Variants in RGS12 observed in about 807,000 individuals in gnomAD.
RGS12 encodes regulator of G protein signaling 12, also known as regulator of G-protein signaling 12.
Under a neutral mutation model 120.1 loss-of-function variants are expected in RGS12, and 66 were observed. The observed-to-expected ratio is 0.55, with a 90% CI of 0.45 to 0.67. The LOEUF is 0.67. Among genes scored for constraint, RGS12 ranks in the 30% least tolerant of loss-of-function variants. The pLI is 0.00. For missense variants in RGS12, 1,859 were observed against 1,957.7 expected (o/e 0.95, Z 0.95); for synonymous variants, 827 against 804.7 (o/e 1.03, Z -0.47).
intron 4 of RGS12, among the ~76,000 whole-genome samples, chr4:3,401,111 C>T (rs1276533731): frequency 2.0e-5 from 3 of 152,184 alleles, no homozygotes; most frequent in Non-Finnish European, 4.4e-5. Context: ...GTGAGATCAA[C>T]CCTGGCGGCT....
intron 1 of RGS12, 86 bp downstream of exon 1, chr4:3,293,185 C>T (rs1379858221): frequency 1.4e-5 from 2 of 146,360 alleles, no homozygotes; most frequent in South Asian, 2.1e-4. Context: ...CGCCCGCGCC[C>T]TCCGCCTCCC....
intron 2 of RGS12, among the ~76,000 whole-genome samples, chr4:3,335,006 C>G (rs1430328790): frequency 6.6e-6 from 1 of 152,156 alleles, no homozygotes; most frequent in East Asian, 1.9e-4. Flanking sequence ...TTTCCTTAGT[C>G]CACACCCACC....
chr4:3,318,949 G>A (rs958611262), intron 2 of RGS12, among the ~76,000 whole-genome samples: 2 of 152,224 alleles, frequency 1.3e-5, no homozygotes, highest in Non-Finnish European at 2.9e-5. Flanking sequence ...GGCTGTTTAC[G>A]ATGTAAAGAC....
In RGS12 at chr4:3,390,592, G is replaced by A. The variant is rs1249370580; in HGVS notation, c.2020+4155G>A. Among the ~76,000 whole-genome samples, 7 of 152,216 alleles carry A rather than the reference G, an allele frequency of 4.6e-5. No individual in the cohort carries two copies. The highest frequency in any genetic ancestry group is 4.8e-5 in the African/African-American group (2 of 41,454). On this transcript the variant is annotated intron_variant, in intron 4 of 17. Coordinates refer to ENST00000336727, the MANE Select transcript of RGS12 (RefSeq NM_001394154.1). The surrounding 1 kb of genome is among the most constrained non-coding windows in gnomAD (Gnocchi z 4.6). ...CGCCTCCTCCTGGGCTGCTCTGCGC[G>A]CCTGCCAGGCTCTTCCAGTGCCTTC...
At chr4:3,309,590 T>A (rs1198122484) in intron 1 of RGS12, among the ~76,000 whole-genome samples, 1 of 95,252 alleles carries the variant, frequency 1.0e-5, no homozygotes, top group African/African-American at 5.2e-5. Context: ...GGGAACTGTG[T>A]TGAGGAGGAG....
chr4:3,295,660 C>CA lies in RGS12; in HGVS notation c.-102+2582dup, dbSNP rs35692556. Among the ~76,000 whole-genome samples the CA allele has an allele frequency of 1.0e-2, 577 of 57,732 alleles. 11 individuals are homozygous for CA. The highest frequency in any genetic ancestry group is 0.047 in the East Asian group (87 of 1,850). The allele number at this position is 57,732 out of a possible 152,430, so 37.9% of individuals were successfully genotyped here. ...GGGTGACAAGAGCAAAACTCTGTCT[C>CA]AAAAAAAAAAAAAAAAAAAAAGCTC... On this transcript the variant is annotated intron_variant, in intron 1 of 17. Coordinates refer to ENST00000336727, the MANE Select transcript of RGS12 (RefSeq NM_001394154.1).
intron 3 of RGS12, among the ~76,000 whole-genome samples, chr4:3,364,992 G>A (rs1716148851): frequency 1.3e-5 from 2 of 152,120 alleles, no homozygotes; most frequent in African/African-American, 4.8e-5. Context: ...TCACTGGATG[G>A]AGCCTCCTGC....
intron 3 of RGS12, chr4:3,370,193 T>C (rs935316774): frequency 2.5e-6 from 4 of 1,585,224 alleles, no homozygotes; most frequent in South Asian, 1.1e-5. Context: ...CTTTAAACTT[T>C]TCTCACACGC....
At chr4:3,329,464 G>A (rs1711580227) in intron 2 of RGS12, among the ~76,000 whole-genome samples, 1 of 152,136 alleles carries the variant, frequency 6.6e-6, no homozygotes, top group African/African-American at 2.4e-5. Context: ...CTGCACCCAG[G>A]CCAGGCAGTG....
intron 4 of RGS12, among the ~76,000 whole-genome samples, chr4:3,410,931 C>T (rs1721671001): frequency 6.6e-6 from 1 of 152,226 alleles, no homozygotes; most frequent in South Asian, 2.1e-4. Flanking sequence ...GTGGCCGGTG[C>T]CCCACAGTTT....
Position 3,423,588 on chromosome 4 carries a change from C to T in RGS12, c.3181C>T (p.Arg1061Trp), listed in dbSNP as rs544983290. ...CACCAAGCCCGTCACGGAGGTGCTG[C>T]GGCCCGTGGTGGCCAGATACGGCCT... Reference protein sequence around the residue: ...KPTKPVTEVLRPVVARYGLDL... With the variant: ...KPTKPVTEVLWPVVARYGLDL... The change falls in exon 13 of 18, where the codon CGG (arginine) becomes TGG (tryptophan). Residue 1061 changes from arginine to tryptophan, a missense_variant. Physicochemically the swap from Arg to Trp is moderately radical, Grantham distance 101. Coordinates refer to ENST00000336727, the MANE Select transcript of RGS12 (RefSeq NM_001394154.1). 53 of 1,612,532 alleles carry T rather than the reference C, an allele frequency of 3.3e-5. No homozygotes were observed. In the East Asian group the frequency reaches 3.8e-4, roughly 12 times the overall value.
chr4:3,401,971 G>T (rs1720632725), intron 4 of RGS12, among the ~76,000 whole-genome samples: 1 of 152,230 alleles, frequency 6.6e-6, no homozygotes, highest in African/African-American at 2.4e-5. Flanking sequence ...GTCTCCAGAG[G>T]TGGCCCCCTG....
At chr4:3,309,398 G>C (rs1257893069) in intron 1 of RGS12, among the ~76,000 whole-genome samples, 3 of 142,600 alleles carry the variant, frequency 2.1e-5, no homozygotes, top group African/African-American at 8.0e-5. Flanking sequence ...CTGGGACCCT[G>C]GAATGGCAGG....
chr4:3,286,037 G>A, the RGS12 span, among the ~76,000 whole-genome samples: 7 of 152,392 alleles, frequency 4.6e-5, no homozygotes, highest in East Asian at 9.6e-4. Context: ...CCAAAAGAAC[G>A]GAGCCCAGGG....
chr4:3,317,273 A>G lies in RGS12; in HGVS notation c.1103A>G (p.Asp368Gly). 1 of 1,614,108 alleles carries G rather than the reference A, an allele frequency of 6.2e-7. No individual in the cohort carries two copies. Among genetic ancestry groups the G allele is most frequent in the Non-Finnish European group, 8.5e-7 (1 of 1,180,042 alleles). The change falls in exon 2 of 18, where the codon GAC (aspartate) becomes GGC (glycine). Residue 368 changes from aspartate (D) to glycine (G), a missense_variant. This residue lies in a region of RGS12 where 967 missense variants were observed against 994.2 expected (regional missense o/e 0.97). Coordinates refer to ENST00000336727, the MANE Select transcript of RGS12 (RefSeq NM_001394154.1). Reference protein sequence around the residue: ...RFGFECTADPDTNGCLEFPAS... With the variant: ...RFGFECTADPGTNGCLEFPAS... ...GGGTTTGAGTGCACGGCCGACCCAG[A>G]CACCAATGGCTGTCTGGAATTCCCG...
At chr4:3,296,289 C>T (rs757746899) in intron 1 of RGS12, among the ~76,000 whole-genome samples, 19 of 152,144 alleles carry the variant, frequency 1.2e-4, no homozygotes, top group Non-Finnish European at 2.4e-4. Context: ...TCAAGCCATC[C>T]TCCTGCCTCA....
intron 2 of RGS12, among the ~76,000 whole-genome samples, chr4:3,320,977 C>G (rs1478983282): frequency 2.6e-5 from 4 of 152,152 alleles, no homozygotes; most frequent in Admixed American, 1.3e-4. Flanking sequence ...AGAGGAGGCC[C>G]CTGGAGGGTG....
chr4:3,349,424 T>A (rs1714144593), intron 3 of RGS12, among the ~76,000 whole-genome samples: 1 of 152,184 alleles, frequency 6.6e-6, no homozygotes, highest in African/African-American at 2.4e-5. Context: ...CTAAGATACA[T>A]CTACATACCT....
At chr4:3,430,112 C>T (rs568013629) in intron 16 of RGS12, among the ~76,000 whole-genome samples, 4 of 152,352 alleles carry the variant, frequency 2.6e-5, no homozygotes, top group African/African-American at 7.2e-5. Flanking sequence ...GGCATCAGCG[C>T]GTAACCGTGT....
Sources: allele counts gnomAD v4.1 joint callset (sites outside exome capture counted in the v4.1 genomes callset), GRCh38; gene constraint gnomAD v4.1.1; regional missense constraint gnomAD v4.1.1; non-coding constraint Gnocchi (gnomAD v3.1); transcripts MANE v1.5; gene names NCBI Gene and HGNC (gene_info 2026-07-23, HGNC 2026-07-21).